LRRK1: variants seen among roughly 807,000 people sequenced by gnomAD.
The protein encoded by LRRK1 is leucine rich repeat kinase 1.
In LRRK1, 113 loss-of-function variants were observed where a neutral mutation model predicts 209.1. The ratio of observed to expected loss-of-function variants is 0.54; its 90% confidence interval spans 0.46 to 0.63. LRRK1 has a LOEUF of 0.63. LRRK1 is among the 30% of genes least tolerant of loss of function. The pLI is 0.00. For synonymous variants in LRRK1, 1,144 were observed against 1,099.7 expected (o/e 1.04, Z -0.80); for missense variants, 2,284 against 2,632.2 (o/e 0.87, Z 2.89).
At chr15:100,977,384 G>T (rs1480080422) in intron 3 of LRRK1, among the ~76,000 whole-genome samples, 1 of 152,042 alleles carries the variant, frequency 6.6e-6, no homozygotes, top group Non-Finnish European at 1.5e-5. Flanking sequence ...CCCTTGCCAG[G>T]CTGTAACAGG....
chr15:100,997,733 C>T (rs1037380498), intron 6 of LRRK1, among the ~76,000 whole-genome samples: 2 of 152,184 alleles, frequency 1.3e-5, no homozygotes, highest in Non-Finnish European at 1.5e-5. Flanking sequence ...GTGGCAAAAG[C>T]TATAAACCTC....
At chr15:101,003,403 G>A (rs2032795683) in intron 6 of LRRK1, among the ~76,000 whole-genome samples, 1 of 152,194 alleles carries the variant, frequency 6.6e-6, no homozygotes, top group African/African-American at 2.4e-5. Context: ...CTCTAAGGGT[G>A]TATGCAAAGA....
intron 3 of LRRK1, chr15:100,974,198 G>A: frequency 2.6e-6 from 1 of 388,446 alleles, no homozygotes; most frequent in Non-Finnish European, 4.5e-6. Context: ...GCCTTTGAGG[G>A]ACGGGGGTGT....
intron 29 of LRRK1, among the ~76,000 whole-genome samples, chr15:101,060,054 C>A: frequency 6.6e-6 from 1 of 152,190 alleles, no homozygotes; most frequent in African/African-American, 2.4e-5. Flanking sequence ...AGACAGAGGC[C>A]TCTTCCTGTG....
intron 2 of LRRK1, among the ~76,000 whole-genome samples, chr15:100,938,886 GT>G (rs1252858974): frequency 6.6e-6 from 1 of 152,070 alleles, no homozygotes; most frequent in East Asian, 1.9e-4. Flanking sequence ...GAGGTCAGGA[GT>G]TTGGGACCAA....
At chr15:101,064,798 G>A (rs2036428796) in intron 31 of LRRK1, 1 of 158,154 alleles carries the variant, frequency 6.3e-6, no homozygotes. Context: ...GAAGGAGACT[G>A]AGCCCTTCCC....
chr15:101,014,173 C>A, intron 10 of LRRK1, 143 bp from the exon 11 acceptor site: 1 of 649,338 alleles, frequency 1.5e-6, no homozygotes, highest in Admixed American at 2.5e-5. Context: ...TGCTGGGCCC[C>A]ACACAGCTGG....
rs1349991935 is a variant in LRRK1 at position 101,010,833 on chromosome 15, C to G, written c.1277C>G (p.Pro426Arg). 1.2e-6 allele frequency: 2 copies of G among 1,610,380 alleles called. No homozygotes were observed. The highest frequency in any genetic ancestry group is 2.7e-5 in the African/African-American group (2 of 74,650). ...GTGTTTCCAGATCCCTGGGCCTGCC[C>G]TTTGGTGAGTATCACACCAAAAGTC... ...LKVFPDPWAC[P>R]LKCCKASRNA... is the part of the protein sequence containing the mutation. Residue 426 changes from proline to arginine, a missense_variant, in exon 9 of 34, where the codon CCT becomes CGT. Coordinates refer to ENST00000388948, the MANE Select transcript of LRRK1 (RefSeq NM_024652.6).
chr15:100,956,455 C>CTTTTTCTTTTCTTT lies in LRRK1; in HGVS notation c.98-17344_98-17343insCTTTTCTTTTTTTT. Reference sequence around the variant, plus strand: ...TTCGCTTTTCTTTCCTTTTTTTTTTCTTTTTTTTTTTTTTTTTTGAGACAG... The same window carrying CTTTTTCTTTTCTTT: ...TTCGCTTTTCTTTCCTTTTTTTTTTCTTTTTCTTTTCTTTTTTTTTTTTTTTTTTTTTGAGACAG... On this transcript the variant is annotated intron_variant, in intron 2 of 33. Coordinates refer to ENST00000388948, the MANE Select transcript of LRRK1 (RefSeq NM_024652.6). Among the ~76,000 whole-genome samples, 79 of 60,522 alleles carry CTTTTTCTTTTCTTT rather than the reference C, an allele frequency of 1.3e-3. 1 individual carries two copies. The highest frequency in any genetic ancestry group is 2.1e-3 in the African/African-American group (25 of 11,724). 39.7% of individuals were successfully genotyped at this position (60,522 alleles called of 152,430 possible).
chr15:101,027,439 C>T lies in LRRK1; in HGVS notation c.2526+58C>T. ...CTGCCTGCTTCCCATTGTTGGGGGT[C>T]CTCACTTCCCCCTCTCTCCTGTGAA... On this transcript the variant is annotated intron_variant, in intron 18 of 33. Coordinates refer to ENST00000388948, the MANE Select transcript of LRRK1 (RefSeq NM_024652.6). This position sits in a 1 kb window ranked among gnomAD's most constrained non-coding sequence, Gnocchi z 5.1. The T allele has an allele frequency of 1.3e-6, 2 of 1,584,544 alleles. No individual in the cohort carries two copies. Among genetic ancestry groups the T allele is most frequent in the Middle Eastern group, 2.0e-4 (1 of 4,992 alleles).
intron 2 of LRRK1, among the ~76,000 whole-genome samples, chr15:100,933,356 G>T (rs1452048264): frequency 6.6e-6 from 1 of 152,180 alleles, no homozygotes; most frequent in Non-Finnish European, 1.5e-5. Context: ...GGTGGGCCAA[G>T]CATGTATCCC....
At chr15:101,010,644 C>G in intron 8 of LRRK1, 30 bp from the exon 9 acceptor site, 1 of 1,540,608 alleles carries the variant, frequency 6.5e-7, no homozygotes, top group Non-Finnish European at 8.7e-7. Context: ...TTTACCAATT[C>G]ATACTTTGGG....
chr15:100,985,013 A>G (rs1284707165), intron 4 of LRRK1, among the ~76,000 whole-genome samples: 1 of 152,274 alleles, frequency 6.6e-6, no homozygotes, highest in Non-Finnish European at 1.5e-5. Context: ...ATTTTTAAAC[A>G]AGAAGCCCCA....
intron 2 of LRRK1, among the ~76,000 whole-genome samples, chr15:100,946,909 C>G (rs375158793): frequency 6.6e-6 from 1 of 152,190 alleles, no homozygotes; most frequent in Non-Finnish European, 1.5e-5. Flanking sequence ...CCAAAGAGCT[C>G]TTTTCCTTCA....
rs530523015 is a variant in LRRK1 at position 101,067,002 on chromosome 15, G to A, written c.5870+261G>A. 8.5e-5 allele frequency among the ~76,000 whole-genome samples: 13 copies of A among 152,288 alleles called. No homozygotes were observed. In the East Asian group the frequency reaches 1.9e-3, roughly 23 times the overall value. ...TACCCTACCTAGTACCCTACCTAACGAATGTCTCCAGGGCCAGAGTTCAGC... is the reference window on the plus strand; with the variant it reads ...TACCCTACCTAGTACCCTACCTAACAAATGTCTCCAGGGCCAGAGTTCAGC... On this transcript the variant is annotated intron_variant, in intron 33 of 33. Transcript: ENST00000388948.
At chr15:101,028,740 C>T (rs559640589) in intron 19 of LRRK1, among the ~76,000 whole-genome samples, 5 of 152,358 alleles carry the variant, frequency 3.3e-5, no homozygotes, top group Admixed American at 1.3e-4. Flanking sequence ...GTTACCCAGG[C>T]GGCCATCAGC....
intron 2 of LRRK1, among the ~76,000 whole-genome samples, chr15:100,939,558 A>G (rs567230339): frequency 5.9e-5 from 9 of 152,348 alleles, no homozygotes; most frequent in South Asian, 2.1e-4. Flanking sequence ...TGTCAGCGCA[A>G]TCACTCTTTA....
intron 16 of LRRK1, 51 bp from the exon 17 acceptor site, chr15:101,025,914 C>T: frequency 6.2e-7 from 1 of 1,600,908 alleles, no homozygotes; most frequent in South Asian, 1.1e-5. Context: ...CTGTCCTGTC[C>T]CTTGTTCCAT....
At chr15:100,923,227 A>G (rs983764162) in intron 1 of LRRK1, among the ~76,000 whole-genome samples, 1 of 152,170 alleles carries the variant, frequency 6.6e-6, no homozygotes, top group African/African-American at 2.4e-5. Flanking sequence ...AGGCCCGGGC[A>G]TAAGGGTGGA....
Sources: gnomAD v4.1 joint callset for allele counts (sites outside exome capture counted in the v4.1 genomes callset) on GRCh38, gnomAD v4.1.1 for gene constraint, Gnocchi (gnomAD v3.1) non-coding constraint, MANE v1.5 for transcripts, NCBI Gene and HGNC (gene_info 2026-07-23, HGNC 2026-07-21) for gene names.